The following DOCK4 variants were observed in gnomAD, a reference collection of about 807,000 sequenced individuals.
The protein encoded by DOCK4 is dedicator of cytokinesis protein 4.
Under a neutral mutation model 268.1 loss-of-function variants are expected in DOCK4, and 97 were observed. The ratio of observed to expected loss-of-function variants is 0.36; its 90% CI spans 0.31 to 0.43. The LOEUF is 0.43. Among genes scored for constraint, DOCK4 ranks in the 20% least tolerant of loss-of-function variants. The probability of loss-of-function intolerance (pLI) is 1.00; values close to 1 mark genes in which losing one functional copy is unlikely to be tolerated. For synonymous variants in DOCK4, 954 were observed against 887.2 expected, an observed-to-expected ratio of 1.08 and a Z score of -1.34; for missense variants, 2,145 against 2,455.7, an observed-to-expected ratio of 0.87 and a Z score of 2.67.
chr7:111,785,692 T>C (rs1745957885), intron 32 of DOCK4, among the ~76,000 whole-genome samples: 1 of 152,160 alleles, frequency 6.6e-6, no homozygotes, highest in Admixed American at 6.5e-5. Flanking sequence ...AAAGAGAGGC[T>C]ATCATCAAGA....
chr7:111,860,459 G>A (rs554408327), intron 23 of DOCK4, among the ~76,000 whole-genome samples: 3 of 152,262 alleles, frequency 2.0e-5, no homozygotes, highest in East Asian at 3.9e-4. Flanking sequence ...ATCCTGCTGC[G>A]GCAGTGACAG....
chr7:112,034,535 A>G (rs1803569205), intron 1 of DOCK4, among the ~76,000 whole-genome samples: 4 of 152,240 alleles, frequency 2.6e-5, no homozygotes, highest in Admixed American at 2.6e-4. Context: ...ACCACATTCC[A>G]AGATACTAAG....
chr7:112,113,888 T>C (rs922246304), intron 1 of DOCK4, among the ~76,000 whole-genome samples: 3 of 151,672 alleles, frequency 2.0e-5, no homozygotes, highest in Non-Finnish European at 4.4e-5. Flanking sequence ...GCCACCATGC[T>C]TCGCCTGGAT....
chr7:112,054,458 C>T (rs1805643300), intron 1 of DOCK4, among the ~76,000 whole-genome samples: 1 of 152,104 alleles, frequency 6.6e-6, no homozygotes, highest in African/African-American at 2.4e-5. Context: ...AAAATACTGA[C>T]CTTGTAGCCA....
At chr7:111,824,090 C>A (rs377395586) in intron 26 of DOCK4, among the ~76,000 whole-genome samples, 1 of 152,098 alleles carries the variant, frequency 6.6e-6, no homozygotes, top group Non-Finnish European at 1.5e-5. Flanking sequence ...TAGACAGATC[C>A]GGTCCATGTC....
At chr7:112,093,337 G>A (rs149118362) in intron 1 of DOCK4, among the ~76,000 whole-genome samples, 4 of 152,060 alleles carry the variant, frequency 2.6e-5, no homozygotes, top group African/African-American at 4.8e-5. Flanking sequence ...GGCAATTAAC[G>A]GTTTTAAATT....
At chr7:112,034,837 G>A (rs1803602885) in intron 1 of DOCK4, among the ~76,000 whole-genome samples, 1 of 152,192 alleles carries the variant, frequency 6.6e-6, no homozygotes, top group African/African-American at 2.4e-5. Flanking sequence ...GGGAGGCGGA[G>A]GTTGCAGTGG....
intron 1 of DOCK4, among the ~76,000 whole-genome samples, chr7:112,018,841 T>C (rs760949641): frequency 3.9e-5 from 6 of 152,132 alleles, no homozygotes; most frequent in Non-Finnish European, 7.4e-5. Context: ...AAACAAACAA[T>C]AGGTCTGGTG....
At chr7:112,022,426 T>TC (rs1159754680) in intron 1 of DOCK4, among the ~76,000 whole-genome samples, 2 of 152,208 alleles carry the variant, frequency 1.3e-5, no homozygotes, top group African/African-American at 4.8e-5. Flanking sequence ...CTGATGGCTG[T>TC]CCCAGCTGTA....
chr7:112,054,057 C>T (rs557681767), intron 1 of DOCK4, among the ~76,000 whole-genome samples: 81 of 152,304 alleles, frequency 5.3e-4, no homozygotes, highest in Admixed American at 1.3e-3. Flanking sequence ...TGCAGTGGCT[C>T]ACGCTGGTAA....
chr7:111,756,403 C>T (rs1797024554), intron 41 of DOCK4, among the ~76,000 whole-genome samples: 1 of 152,046 alleles, frequency 6.6e-6, no homozygotes, highest in Admixed American at 6.6e-5. Context: ...ATGTGACTTG[C>T]TCAAAAGCTA....
At chr7:112,033,265 T>C (rs1451230841) in intron 1 of DOCK4, among the ~76,000 whole-genome samples, 2 of 152,148 alleles carry the variant, frequency 1.3e-5, no homozygotes, top group Non-Finnish European at 1.5e-5. Flanking sequence ...AAAATAATCA[T>C]TTTTATGGCC....
chr7:112,200,375 G>A (rs1820805828), intron 1 of DOCK4, among the ~76,000 whole-genome samples: 1 of 152,120 alleles, frequency 6.6e-6, no homozygotes. Flanking sequence ...CTAATCTAGA[G>A]TAAGTCACTT....
chr7:111,832,323 G>A (rs1436671995), intron 26 of DOCK4, among the ~76,000 whole-genome samples: 2 of 152,068 alleles, frequency 1.3e-5, no homozygotes, highest in Admixed American at 1.3e-4. Flanking sequence ...ATAGCATCGC[G>A]TGCTTACCCT....
intron 27 of DOCK4, among the ~76,000 whole-genome samples, chr7:111,815,292 A>T (rs1351170976): frequency 6.6e-6 from 1 of 152,204 alleles, no homozygotes; most frequent in Non-Finnish European, 1.5e-5. Flanking sequence ...CCAAGCCATC[A>T]AGGCAGTTCC....
chr7:112,206,120 G>C lies in DOCK4; in HGVS notation c.19C>G (p.His7Asp). 1 of 1,587,068 alleles carries C rather than the reference G, an allele frequency of 6.3e-7. No homozygotes were observed. Among genetic ancestry groups the C allele is most frequent in the Non-Finnish European group, 8.6e-7 (1 of 1,166,446 alleles). Residue 7 changes from histidine (H) to aspartate (D), a missense_variant, in exon 1 of 53, where the codon CAC becomes GAC. By Grantham distance (81) the His-to-Asp change is moderately conservative. Coordinates refer to ENST00000428084, the MANE Select transcript of DOCK4 (RefSeq NM_001363540.2). MWIPTE[H>D]EKYGVVIASF... ...GACTCACCCACGCCGTATTTCTCGT[G>C]CTCCGTAGGTATCCACATGGCTAAA... is the stretch of plus-strand genomic sequence containing the variant.
In DOCK4 at chr7:111,769,663, G is replaced by A; in HGVS notation, c.3694C>T (p.Leu1232Phe). The stretch of plus-strand genomic sequence containing the variant: ...TCCAGTAGCTCGTCATATAAGAGGA[G>A]GGTATATGCAGCTTCTGCAAGTCAC... ...AQNFTEAAYT[L>F]LLYDELLEWS... The change falls in exon 37 of 53, where the codon CTC (leucine) becomes TTC (phenylalanine). Residue 1232 changes from leucine to phenylalanine, a missense_variant. Transcript: ENST00000428084. The A allele has an allele frequency of 6.2e-7, 1 of 1,613,506 alleles. No individual in the cohort carries two copies. Among genetic ancestry groups the A allele is most frequent in the Non-Finnish European group, 8.5e-7 (1 of 1,179,692 alleles).
intron 8 of DOCK4, among the ~76,000 whole-genome samples, chr7:111,956,840 T>G (rs1195136166): frequency 6.6e-6 from 1 of 152,156 alleles, no homozygotes; most frequent in East Asian, 1.9e-4. Context: ...CAAAATAAAC[T>G]AAATTGACTG....
At chr7:111,874,698 C>T (rs888200309) in intron 17 of DOCK4, among the ~76,000 whole-genome samples, 1 of 152,096 alleles carries the variant, frequency 6.6e-6, no homozygotes, top group Non-Finnish European at 1.5e-5. Context: ...ATATTATGTA[C>T]CTAACCTATC....
Sources: allele counts gnomAD v4.1 joint callset (sites outside exome capture counted in the v4.1 genomes callset), GRCh38; gene constraint gnomAD v4.1.1; transcripts MANE v1.5; gene names NCBI Gene and HGNC (gene_info 2026-07-23, HGNC 2026-07-21).